Variants in GALNT1 observed in about 807,000 individuals in gnomAD.
GALNT1 encodes polypeptide N-acetylgalactosaminyltransferase 1, also known as GalNAc transferase 1.
Under a neutral mutation model 65.7 loss-of-function variants are expected in GALNT1, and 17 were observed. That is an observed-to-expected ratio of 0.26 (90% CI 0.18 to 0.39). The LOEUF (loss-of-function observed/expected upper bound fraction) is 0.39. Ranked by LOEUF, GALNT1 falls within the 10% of genes least tolerant of loss-of-function variation. GALNT1 has a pLI of 1.00. For missense variants in GALNT1, 460 were observed against 672.8 expected (o/e 0.68, Z 3.50); for synonymous variants, 210 against 219.7 (o/e 0.96, Z 0.39).
At chr18:35,679,730 T>G (rs2047761371) in intron 4 of GALNT1, among the ~76,000 whole-genome samples, 1 of 149,964 alleles carries the variant, frequency 6.7e-6, no homozygotes, top group Admixed American at 6.6e-5. Context: ...TGGTTATAAT[T>G]TGCAGTCTTG....
At chr18:35,603,560 A>G (rs2046608403) in intron 1 of GALNT1, among the ~76,000 whole-genome samples, 1 of 152,034 alleles carries the variant, frequency 6.6e-6, no homozygotes, top group African/African-American at 2.4e-5. Context: ...CACACACGTT[A>G]ATTTATTAAT....
intron 3 of GALNT1, among the ~76,000 whole-genome samples, chr18:35,676,449 G>A (rs1352026458): frequency 6.6e-6 from 1 of 152,086 alleles, no homozygotes; most frequent in South Asian, 2.1e-4. Flanking sequence ...TTTACCCTTC[G>A]CTTTTCCTTT....
At chr18:35,703,439 A>G in intron 10 of GALNT1, 70 bp from the exon 11 acceptor site, 1 of 1,380,184 alleles carries the variant, frequency 7.2e-7, no homozygotes, top group Non-Finnish European at 1.0e-6. Flanking sequence ...TTTCCCTGAC[A>G]GCTAATTGGG....
intron 3 of GALNT1, among the ~76,000 whole-genome samples, chr18:35,675,408 TATC>T (rs907349281): frequency 4.6e-5 from 7 of 152,242 alleles, no homozygotes; most frequent in Non-Finnish European, 7.3e-5. Flanking sequence ...ATTTCCTTTT[TATC>T]ATCTGTTCTT....
At chr18:35,637,313 C>T (rs981400264) in intron 1 of GALNT1, among the ~76,000 whole-genome samples, 5 of 152,230 alleles carry the variant, frequency 3.3e-5, no homozygotes, top group African/African-American at 9.6e-5. Flanking sequence ...AAAAGCTGGG[C>T]TTCTTGCGCC....
At chr18:35,649,396 G>A (rs72962584) in intron 1 of GALNT1, among the ~76,000 whole-genome samples, 14,503 of 152,130 alleles carry the variant, frequency 0.095, 829 homozygotes, top group African/African-American at 0.17. Flanking sequence ...TGGATTGTTT[G>A]TTTTCTTACT....
At chr18:35,691,748 AAGTCGGCCTGAC>A (rs1265937628) in intron 8 of GALNT1, among the ~76,000 whole-genome samples, 1 of 152,178 alleles carries the variant, frequency 6.6e-6, no homozygotes, top group Admixed American at 6.5e-5. Flanking sequence ...CATCAGCTAT[AAGTCGGCCTGAC>A]ATTGTTACTA....
chr18:35,601,406 G>T (rs1254023477), intron 1 of GALNT1, among the ~76,000 whole-genome samples: 1 of 151,812 alleles, frequency 6.6e-6, no homozygotes, highest in Non-Finnish European at 1.5e-5. Flanking sequence ...ACTTTTTGTT[G>T]TGTAGATCTT....
chr18:35,699,171 C>A (rs1243536134), intron 9 of GALNT1, among the ~76,000 whole-genome samples: 1 of 152,108 alleles, frequency 6.6e-6, no homozygotes, highest in African/African-American at 2.4e-5. Flanking sequence ...CTAATTCTCT[C>A]TACTCTGAAA....
At chr18:35,588,216 A>C (rs1184903053) in intron 1 of GALNT1, among the ~76,000 whole-genome samples, 1 of 151,608 alleles carries the variant, frequency 6.6e-6, no homozygotes, top group Non-Finnish European at 1.5e-5. Context: ...TGGTTATGGG[A>C]CTCTGTGTTG....
At chr18:35,590,638 T>G (rs1204329964) in intron 1 of GALNT1, among the ~76,000 whole-genome samples, 1 of 152,244 alleles carries the variant, frequency 6.6e-6, no homozygotes, top group Non-Finnish European at 1.5e-5. Context: ...CTACACATTA[T>G]GTTTTATAAT....
In GALNT1 at chr18:35,656,154, C is replaced by T. The variant is rs980224059; in HGVS notation, c.139+1353C>T. 2.6e-5 allele frequency among the ~76,000 whole-genome samples: 4 copies of T among 152,274 alleles called. 1 individual carries two copies. The highest frequency in any genetic ancestry group is 3.4e-3 in the Middle Eastern group (1 of 294). On this transcript the variant is annotated intron_variant, in intron 2 of 11. Coordinates refer to ENST00000269195, the MANE Select transcript of GALNT1 (RefSeq NM_020474.4). ...TTCCCAAATAGAATGGAATAAATTT[C>T]CCCTCACCCTACCTTAATTCATTGC... is the stretch of plus-strand genomic sequence containing the variant.
intron 2 of GALNT1, chr18:35,659,715 A>G (rs1568026196): frequency 6.6e-6 from 1 of 152,228 alleles, no homozygotes; most frequent in Non-Finnish European, 1.5e-5. Flanking sequence ...TGCTGGAATT[A>G]TTTCAACTGT....
intron 1 of GALNT1, among the ~76,000 whole-genome samples, chr18:35,615,371 T>A (rs1249328143): frequency 1.3e-5 from 2 of 149,704 alleles, no homozygotes; most frequent in African/African-American, 5.0e-5. Context: ...GTTGGGATTC[T>A]TAGCCACATT....
In GALNT1 at chr18:35,663,810, C is replaced by G. The variant is rs770187301; in HGVS notation, c.314+8C>G. 1 of 1,611,746 alleles carries G rather than the reference C, an allele frequency of 6.2e-7. No homozygotes were observed. The highest frequency in any genetic ancestry group is 1.7e-5 in the Admixed American group (1 of 59,820). On this transcript the variant is annotated splice_region_variant and intron_variant, in intron 3 of 11. Coordinates refer to ENST00000269195, the MANE Select transcript of GALNT1 (RefSeq NM_020474.4). ...AGATGTTAGGTTAGAAGGGTAAGTACTTACTGTGGTCCTGATAGTATGTGA... is the reference window on the plus strand; with the variant it reads ...AGATGTTAGGTTAGAAGGGTAAGTAGTTACTGTGGTCCTGATAGTATGTGA...
chr18:35,639,295 A>T (rs2047131622), intron 1 of GALNT1, among the ~76,000 whole-genome samples: 1 of 152,220 alleles, frequency 6.6e-6, no homozygotes, highest in African/African-American at 2.4e-5. Flanking sequence ...GCAGCCATCA[A>T]CACTAAGGCA....
intron 3 of GALNT1, among the ~76,000 whole-genome samples, chr18:35,666,891 C>G (rs1241951685): frequency 6.6e-6 from 1 of 152,042 alleles, no homozygotes; most frequent in Non-Finnish European, 1.5e-5. Flanking sequence ...TCACTACTAC[C>G]ACTGAGTAGC....
At chr18:35,656,291 G>T (rs1479019841) in intron 2 of GALNT1, among the ~76,000 whole-genome samples, 2 of 152,284 alleles carry the variant, frequency 1.3e-5, no homozygotes, top group Admixed American at 6.5e-5. Context: ...ACTTTTATAT[G>T]TGCTGGGCAA....
At chr18:35,690,937 T>C in intron 7 of GALNT1, 75 bp from the exon 8 acceptor site, 1 of 1,333,418 alleles carries the variant, frequency 7.5e-7, no homozygotes, top group Non-Finnish European at 1.0e-6. Flanking sequence ...AAAAGAAAAA[T>C]ACTATGGGAA....
Sources: gnomAD v4.1 joint callset for allele counts (sites outside exome capture counted in the v4.1 genomes callset) on GRCh38, gnomAD v4.1.1 for gene constraint, MANE v1.5 for transcripts, NCBI Gene and HGNC (gene_info 2026-07-23, HGNC 2026-07-21) for gene names.